CEP128: variants seen among roughly 807,000 people sequenced by gnomAD.
CEP128 encodes centrosomal protein 128.
A neutral mutation model predicts 156.7 loss-of-function variants in CEP128; 132 were observed. The ratio of observed to expected loss-of-function variants is 0.84; its 90% CI spans 0.73 to 0.97. CEP128 has a LOEUF of 0.97. Ranked by LOEUF, CEP128 falls within the 50% of genes least tolerant of loss-of-function variation. The pLI, the probability that CEP128 is intolerant of heterozygous loss-of-function variation, is 0.00. For missense variants in CEP128, 1,252 were observed against 1,281.9 expected (o/e 0.98, Z 0.36); for synonymous variants, 469 against 448.9 (o/e 1.04, Z -0.57).
At chr14:80,894,700 A>G in intron 8 of CEP128, 1 of 374,324 alleles carries the variant, frequency 2.7e-6, no homozygotes, top group African/African-American at 2.2e-5. Flanking sequence ...AACACAAAAG[A>G]AAAGTATTTT....
At chr14:80,726,094 G>A (rs761264297) in intron 19 of CEP128, among the ~76,000 whole-genome samples, 4 of 152,076 alleles carry the variant, frequency 2.6e-5, no homozygotes, top group Non-Finnish European at 4.4e-5. Context: ...AGAGGTACTT[G>A]TTACCTTCTC....
chr14:80,495,363 C>A (rs1887457492), downstream of CEP128, among the ~76,000 whole-genome samples: 3 of 152,034 alleles, frequency 2.0e-5, no homozygotes, highest in Admixed American at 2.0e-4. Flanking sequence ...GAGACAGGTC[C>A]CTGGATTTAA....
chr14:80,752,779 C>T (rs928054936), intron 18 of CEP128, among the ~76,000 whole-genome samples: 3 of 152,156 alleles, frequency 2.0e-5, no homozygotes, highest in Non-Finnish European at 2.9e-5. Context: ...GTTTTATGTC[C>T]TTAGGTAAAA....
At chr14:80,734,580 T>A (rs1029053344) in intron 19 of CEP128, among the ~76,000 whole-genome samples, 6 of 152,054 alleles carry the variant, frequency 3.9e-5, no homozygotes, top group Non-Finnish European at 7.4e-5. Context: ...CTGGGCACGG[T>A]GGCTCACACC....
At chr14:80,909,349 A>G (rs1884072629) in intron 4 of CEP128, among the ~76,000 whole-genome samples, 1 of 149,620 alleles carries the variant, frequency 6.7e-6, no homozygotes, top group Non-Finnish European at 1.5e-5. Context: ...TGTAACTAAA[A>G]GCTCAGAAAT....
At chr14:80,912,752 T>C (rs1170644210) in intron 4 of CEP128, among the ~76,000 whole-genome samples, 1 of 144,076 alleles carries the variant, frequency 6.9e-6, no homozygotes, top group Non-Finnish European at 1.5e-5. Flanking sequence ...ATGACAACTA[T>C]ACCTTTACTT....
chr14:80,802,944 G>A (rs1181586461), intron 13 of CEP128, among the ~76,000 whole-genome samples: 2 of 152,154 alleles, frequency 1.3e-5, no homozygotes, highest in African/African-American at 4.8e-5. Context: ...CAAATCCAAT[G>A]GAGCTGGCTT....
intron 2 of CEP128, chr14:80,955,553 C>T: frequency 8.8e-7 from 1 of 1,140,126 alleles, no homozygotes; most frequent in Non-Finnish European, 1.3e-6. Context: ...GGTCACAGCC[C>T]CTTGGAGCCC....
chr14:80,597,386 A>T (rs147241879), intron 19 of CEP128, among the ~76,000 whole-genome samples: 142 of 152,304 alleles, frequency 9.3e-4, no homozygotes, highest in African/African-American at 3.2e-3. Context: ...AAAATACCTA[A>T]TTTAAATAGC....
chr14:80,654,294 G>C (rs1895038209), intron 19 of CEP128, among the ~76,000 whole-genome samples: 1 of 152,130 alleles, frequency 6.6e-6, no homozygotes. Flanking sequence ...GGAAAAAATG[G>C]AATATATCTA....
chr14:80,769,074 A>G (rs1030627710), intron 16 of CEP128, among the ~76,000 whole-genome samples: 4 of 152,214 alleles, frequency 2.6e-5, no homozygotes, highest in Non-Finnish European at 4.4e-5. Context: ...ATGCATTTCT[A>G]TTTCTGAAAT....
chr14:80,528,226 A>G (rs1279025013), intron 22 of CEP128, among the ~76,000 whole-genome samples: 3 of 152,356 alleles, frequency 2.0e-5, no homozygotes, highest in South Asian at 4.1e-4. Context: ...TTAGAACTCA[A>G]TGCTATTCCC....
chr14:80,860,192 G>A (rs1425902290), intron 9 of CEP128, among the ~76,000 whole-genome samples: 1 of 152,162 alleles, frequency 6.6e-6, no homozygotes, highest in Non-Finnish European at 1.5e-5. Flanking sequence ...TAACATGGGA[G>A]CAGGAAAATA....
chr14:80,865,296 G>T (rs1048290180), intron 8 of CEP128, among the ~76,000 whole-genome samples: 2 of 152,128 alleles, frequency 1.3e-5, no homozygotes, highest in Non-Finnish European at 2.9e-5. Context: ...TCCATTGGGT[G>T]TATATACGTG....
intron 14 of CEP128, among the ~76,000 whole-genome samples, chr14:80,484,957 C>T (rs1887129674): frequency 6.6e-6 from 1 of 152,080 alleles, no homozygotes; most frequent in Non-Finnish European, 1.5e-5. Context: ...AATCTGACCT[C>T]AATTGTGGGC....
intron 19 of CEP128, among the ~76,000 whole-genome samples, chr14:80,735,765 G>T (rs183213786): frequency 7.9e-5 from 12 of 152,258 alleles, no homozygotes; most frequent in Non-Finnish European, 1.6e-4. Context: ...CTCTGGGGAA[G>T]AATCCATTTC....
At chr14:80,524,288 C>A (rs114950404) in intron 23 of CEP128, among the ~76,000 whole-genome samples, 1,546 of 152,232 alleles carry the variant, frequency 0.01, 31 homozygotes, top group African/African-American at 0.036. Flanking sequence ...GAACTCAAGT[C>A]CCTGTAATTT....
chr14:80,684,898 G>A (rs573540520), intron 19 of CEP128, among the ~76,000 whole-genome samples: 5 of 151,872 alleles, frequency 3.3e-5, no homozygotes, highest in South Asian at 2.1e-4. Flanking sequence ...ATCCAGTATC[G>A]CTTCATGATA....
intron 19 of CEP128, among the ~76,000 whole-genome samples, chr14:80,727,336 C>T (rs1898057346): frequency 6.6e-6 from 1 of 151,898 alleles, no homozygotes; most frequent in Admixed American, 6.6e-5. Context: ...CATTTAGAAG[C>T]CTCAGGGGAA....
Sources: allele counts gnomAD v4.1 joint callset (sites outside exome capture counted in the v4.1 genomes callset), GRCh38; gene constraint gnomAD v4.1.1; transcripts MANE v1.5; gene names NCBI Gene and HGNC (gene_info 2026-07-23, HGNC 2026-07-21).